Variants in CDH6 observed in about 807,000 individuals in gnomAD.
The protein encoded by CDH6 is cadherin 6, also known as cadherin-6.
A neutral mutation model predicts 78.0 loss-of-function variants in CDH6; 31 were observed. The ratio of observed to expected loss-of-function variants is 0.40; its 90% confidence interval spans 0.30 to 0.54. CDH6 has a LOEUF of 0.54. CDH6 is among the 20% of genes least tolerant of loss of function. The pLI, the probability that CDH6 is intolerant of heterozygous loss-of-function variation, is 0.56. For synonymous variants in CDH6, 376 were observed against 368.8 expected, an observed-to-expected ratio of 1.02 and a Z score of -0.23; for missense variants, 724 against 975.9, an observed-to-expected ratio of 0.74 and a Z score of 3.44.
intron 1 of CDH6, among the ~76,000 whole-genome samples, chr5:31,261,592 T>C (rs1742213734): frequency 1.3e-5 from 2 of 152,200 alleles, no homozygotes; most frequent in African/African-American, 2.4e-5. Context: ...AGTATATTAA[T>C]AACGTTGCTT....
chr5:31,302,070 G>T (rs1737780343), intron 5 of CDH6, 41 bp from the exon 6 acceptor site: 1 of 1,368,862 alleles, frequency 7.3e-7, no homozygotes, highest in Admixed American at 1.8e-5. Context: ...TAAGAGTGTG[G>T]TTAGTCTATG....
chr5:31,288,279 A>C (rs1196684792), intron 2 of CDH6, among the ~76,000 whole-genome samples: 1 of 152,358 alleles, frequency 6.6e-6, no homozygotes, highest in Non-Finnish European at 1.5e-5. Flanking sequence ...AATTGGTAAA[A>C]TAATCATCAC....
intron 1 of CDH6, among the ~76,000 whole-genome samples, chr5:31,231,456 C>T (rs1033175909): frequency 6.6e-6 from 1 of 152,028 alleles, no homozygotes; most frequent in Admixed American, 6.6e-5. Context: ...TTCTGTTGCT[C>T]GTAACAGAAT....
At chr5:31,251,834 A>G (rs988058411) in intron 1 of CDH6, 2 of 152,210 alleles carry the variant, frequency 1.3e-5, no homozygotes, top group African/African-American at 4.8e-5. Flanking sequence ...TTTTTATTAT[A>G]AATAAATGTC....
intron 11 of CDH6, among the ~76,000 whole-genome samples, chr5:31,322,601 A>G (rs1738500184): frequency 6.6e-6 from 1 of 152,206 alleles, no homozygotes; most frequent in African/African-American, 2.4e-5. Flanking sequence ...TTTATCCTCT[A>G]CTTAAATTAT....
chr5:31,205,897 T>C (rs909236477), intron 1 of CDH6, among the ~76,000 whole-genome samples: 2 of 152,208 alleles, frequency 1.3e-5, no homozygotes, highest in Non-Finnish European at 2.9e-5. Flanking sequence ...TCTAAATATC[T>C]TACATGAGTT....
At position 31,294,393 on chromosome 5, in the gene CDH6, A is replaced by G; in HGVS notation, c.523+137A>G. ...TTCAATCCATGTATGTCCTTTCTGT[A>G]AGTGCATATGTTTCCTAATATTACT... On this transcript the variant is annotated intron_variant, in intron 3 of 11. Coordinates refer to ENST00000265071, the MANE Select transcript of CDH6 (RefSeq NM_004932.4). The surrounding 1 kb of genome is among the most constrained non-coding windows in gnomAD (Gnocchi z 4.1). The G allele has an allele frequency of 1.4e-6, 1 of 694,420 alleles. No homozygotes were observed. Among genetic ancestry groups the G allele is most frequent in the Non-Finnish European group, 2.5e-6 (1 of 398,458 alleles). The allele number at this position is 694,420 out of a possible 1,614,324, so 43.0% of individuals were successfully genotyped here.
At chr5:31,235,717 C>T (rs1228064130) in intron 1 of CDH6, among the ~76,000 whole-genome samples, 1 of 152,090 alleles carries the variant, frequency 6.6e-6, no homozygotes, top group African/African-American at 2.4e-5. Flanking sequence ...ATCTCATTTC[C>T]AAACATATGT....
In CDH6 at chr5:31,324,346, C is replaced by G. The variant is rs554940414; in HGVS notation, c.*1038C>G. ...AAGTTAGATTAAATAAAACTTAAATCTCACTCTAGGAGTTCAGTGGAGAGG... is the reference window on the plus strand; with the variant it reads ...AAGTTAGATTAAATAAAACTTAAATGTCACTCTAGGAGTTCAGTGGAGAGG... On this transcript the variant is annotated 3_prime_UTR_variant, in exon 12 of 12. Transcript: ENST00000265071. 90 of 214,116 alleles carry G rather than the reference C, an allele frequency of 4.2e-4. No individual in the cohort carries two copies. Among genetic ancestry groups the G allele is most frequent in the African/African-American group, 1.9e-3 (84 of 44,364 alleles). The allele number at this position is 214,116 out of a possible 1,614,324, so 13.3% of individuals were successfully genotyped here. A position where few individuals can be genotyped will look rare whatever the true frequency, so the allele number is the denominator to read the frequency against.
intron 4 of CDH6, 87 bp downstream of exon 4, chr5:31,297,495 A>G: frequency 2.0e-6 from 2 of 987,762 alleles, no homozygotes; most frequent in South Asian, 1.7e-5. Flanking sequence ...AAAAATAATC[A>G]ATGTGATTGG....
chr5:31,206,308 T>C (rs1299764722), intron 1 of CDH6, among the ~76,000 whole-genome samples: 1 of 152,230 alleles, frequency 6.6e-6, no homozygotes, highest in Non-Finnish European at 1.5e-5. Flanking sequence ...ATGTAACATG[T>C]ACACATTTCT....
intron 1 of CDH6, among the ~76,000 whole-genome samples, chr5:31,266,707 G>C (rs189261842): frequency 6.6e-6 from 1 of 151,878 alleles, no homozygotes. Flanking sequence ...TATCTTTATT[G>C]TTGCAAAATA....
In CDH6 at chr5:31,227,292, G is replaced by A. The variant is rs147925461; in HGVS notation, c.-129+33406G>A. Among the ~76,000 whole-genome samples, 17 of 152,198 alleles carry A rather than the reference G, an allele frequency of 1.1e-4. No individual in the cohort carries two copies. The East Asian group carries it at 3.1e-3, about 28-fold the overall frequency. ...CTCCTCACCCTCTCCTCCACTCCAC[G>A]GTGGACGTGGAAGACAATCTACTTG... On this transcript the variant is annotated intron_variant, in intron 1 of 11. Coordinates refer to ENST00000265071, the MANE Select transcript of CDH6 (RefSeq NM_004932.4).
At chr5:31,259,563 G>A (rs1193744306) in intron 1 of CDH6, among the ~76,000 whole-genome samples, 3 of 152,202 alleles carry the variant, frequency 2.0e-5, no homozygotes, top group Non-Finnish European at 4.4e-5. Context: ...TAATGTAGCT[G>A]CCAGAGAACC....
chr5:31,305,182 C>G lies in CDH6; in HGVS notation c.1008C>G (p.Asp336Glu). Residue 336 changes from aspartate (D) to glutamate (E), a missense_variant, in exon 7 of 12, where the codon GAC becomes GAG. Physicochemically the swap from Asp to Glu is conservative, Grantham distance 45. Transcript: ENST00000265071. ...EGIITVKKLL[D>E]FEKKKVYTLK... ...CCACCCCCAACCTCAAGCTCTTGGA[C>G]TTTGAAAAGAAGAAAGTGTATACCC... 1 of 1,611,360 alleles carries G rather than the reference C, an allele frequency of 6.2e-7. No individual in the cohort carries two copies. The highest frequency in any genetic ancestry group is 8.5e-7 in the Non-Finnish European group (1 of 1,178,618).
At chr5:31,261,116 G>A (rs1281901873) in intron 1 of CDH6, among the ~76,000 whole-genome samples, 1 of 152,056 alleles carries the variant, frequency 6.6e-6, no homozygotes, top group Admixed American at 6.6e-5. Flanking sequence ...TTGTAGGAAG[G>A]CATGTTTCCC....
chr5:31,319,173 G>T (rs889686110), intron 11 of CDH6: 1 of 174,304 alleles, frequency 5.7e-6, no homozygotes, highest in Non-Finnish European at 1.2e-5. Flanking sequence ...AGTATTCCAT[G>T]GACTCTTTTT....
chr5:31,225,175 T>C (rs1330262379), intron 1 of CDH6, among the ~76,000 whole-genome samples: 1 of 152,206 alleles, frequency 6.6e-6, no homozygotes, highest in Non-Finnish European at 1.5e-5. Context: ...CAATGAATGA[T>C]TTTCTGGTAA....
At chr5:31,319,143 T>A (rs1738407837) in intron 11 of CDH6, 2 of 176,970 alleles carry the variant, frequency 1.1e-5, no homozygotes, top group South Asian at 2.0e-4. Context: ...AGCCTTGGAT[T>A]GGTAGGGCTG....
Sources: allele counts gnomAD v4.1 joint callset (sites outside exome capture counted in the v4.1 genomes callset), GRCh38; gene constraint gnomAD v4.1.1; non-coding constraint Gnocchi (gnomAD v3.1); transcripts MANE v1.5; gene names NCBI Gene and HGNC (gene_info 2026-07-23, HGNC 2026-07-21).